The following PRDM16 variants were observed in gnomAD, a reference collection of about 807,000 sequenced individuals.
The protein encoded by PRDM16 is histone-lysine N-methyltransferase PRDM16.
In PRDM16, 23 loss-of-function variants were observed where a neutral mutation model predicts 110.6. That is an observed-to-expected ratio of 0.21 (90% CI 0.15 to 0.29). The LOEUF (loss-of-function observed/expected upper bound fraction) is 0.29, where lower values mean the gene tolerates loss of function less well. Ranked by LOEUF, PRDM16 falls within the 10% of genes least tolerant of loss-of-function variation. The pLI, the probability that PRDM16 is intolerant of heterozygous loss-of-function variation, is 1.00. For missense variants in PRDM16, 1,615 were observed against 1,794.3 expected (o/e 0.90, Z 1.81); for synonymous variants, 799 against 781.8 (o/e 1.02, Z -0.37).
At position 3,112,655 on chromosome 1, in the gene PRDM16, C is replaced by T. The variant is rs886437232; in HGVS notation, c.37+43359C>T. Among the ~76,000 whole-genome samples, 5 of 152,354 alleles carry T rather than the reference C, an allele frequency of 3.3e-5. No individual in the cohort carries two copies. The South Asian group carries it at 6.2e-4, about 19-fold the overall frequency. ...TGTCCTCCATCGCTGGTGCCCTGGC[C>T]GGGCCGCATTCCTGCAGACAGGGCC... On this transcript the variant is annotated intron_variant, in intron 1 of 16. Coordinates refer to ENST00000270722, the MANE Select transcript of PRDM16 (RefSeq NM_022114.4).
At chr1:3,147,987 C>G (rs1569689686) in intron 1 of PRDM16, among the ~76,000 whole-genome samples, 1 of 151,618 alleles carries the variant, frequency 6.6e-6, no homozygotes, top group East Asian at 2.0e-4. Flanking sequence ...ATTCTCTGAA[C>G]CCCATCCTGC....
intron 1 of PRDM16, among the ~76,000 whole-genome samples, chr1:3,076,464 G>T (rs1641902308): frequency 6.6e-6 from 1 of 152,196 alleles, no homozygotes; most frequent in African/African-American, 2.4e-5. Context: ...CCGCCGGCTG[G>T]TCCCCTGCGT....
At chr1:3,342,391 G>A (rs190675107) in intron 3 of PRDM16, among the ~76,000 whole-genome samples, 182 of 152,346 alleles carry the variant, frequency 1.2e-3, no homozygotes, top group Non-Finnish European at 2.0e-3. Context: ...CTTCTGCCAC[G>A]TCACCTCTCT....
intron 2 of PRDM16, among the ~76,000 whole-genome samples, chr1:3,215,367 G>GAGTCCA: frequency 6.6e-6 from 1 of 152,220 alleles, no homozygotes; most frequent in Non-Finnish European, 1.5e-5. Context: ...AAGGCCCACG[G>GAGTCCA]GGTCCAGGAG....
In PRDM16 at chr1:3,412,626, G is replaced by A. The variant is rs1394386492; in HGVS notation, c.2429G>A (p.Arg810Gln). Reference protein sequence around the residue: ...EQPLDLSIGSRARASQNGGGR... With the variant: ...EQPLDLSIGSQARASQNGGGR... ...CCGCTGGACCTGAGCATCGGCAGCC[G>A]GGCCCGTGCCAGCCAAAACGGCGGC... Residue 810 changes from arginine (R) to glutamine (Q), a missense_variant, in exon 9 of 17, where the codon CGG becomes CAG. By Grantham distance (43) the Arg-to-Gln change is conservative. Transcript: ENST00000270722. 4.4e-6 allele frequency: 7 copies of A among 1,583,074 alleles called. No individual in the cohort carries two copies. The highest frequency in any genetic ancestry group is 2.3e-5 in the East Asian group (1 of 43,694).
Position 3,186,484 on chromosome 1 carries a change from C to G in PRDM16, c.387+10C>G. 6.8e-7 allele frequency: 1 copy of G among 1,469,486 alleles called. No individual in the cohort carries two copies. The allele number at this position is 1,469,486 out of a possible 1,614,324, so 91.0% of individuals were successfully genotyped here. The stretch of plus-strand genomic sequence containing the variant: ...AGACTTCGGATGGGAGGTGAGCGAT[C>G]GCGCCTGAGTATGATTGATCACGGC... On this transcript the variant is annotated intron_variant, in intron 2 of 16. Transcript: ENST00000270722.
intron 1 of PRDM16, among the ~76,000 whole-genome samples, chr1:3,162,905 CATGG>C (rs80338274): frequency 0.23 from 27,251 of 118,168 alleles, 1,004 homozygotes; most frequent in South Asian, 0.29. Flanking sequence ...AAGCCCCTGG[CATGG>C]TCTAGAGGGC....
rs551464811 is a variant in PRDM16, at chr1:3,243,048, C to T, written c.388-1039C>T. ...CTGGTGGCTTTTAAGAGGAGACACC[C>T]GGCGAAATGCTCTCCAGAGCCAAAG... On this transcript the variant is annotated intron_variant, in intron 2 of 16. Transcript: ENST00000270722. The surrounding 1 kb of genome is among the most constrained non-coding windows in gnomAD (Gnocchi z 5.5). Among the ~76,000 whole-genome samples, 7 of 152,288 alleles carry T rather than the reference C, an allele frequency of 4.6e-5. No individual in the cohort carries two copies. Among genetic ancestry groups the T allele is most frequent in the African/African-American group, 9.6e-5 (4 of 41,584 alleles).
chr1:3,366,327 C>T (rs1316057452), intron 3 of PRDM16, among the ~76,000 whole-genome samples: 1 of 152,230 alleles, frequency 6.6e-6, no homozygotes, highest in South Asian at 2.1e-4. Flanking sequence ...GATGTCCTGA[C>T]GGGAAGGCAC....
chr1:3,265,975 G>T lies in PRDM16; in HGVS notation c.438+21838G>T, dbSNP rs1236530308. Among the ~76,000 whole-genome samples the T allele has an allele frequency of 6.6e-6, 1 of 152,146 alleles. No homozygotes were observed. The highest frequency in any genetic ancestry group is 1.5e-5 in the Non-Finnish European group (1 of 68,012). On this transcript the variant is annotated intron_variant, in intron 3 of 16. Transcript: ENST00000270722. This position sits in a 1 kb window ranked among gnomAD's most constrained non-coding sequence, Gnocchi z 4.5. ...GCCAGGCCCAGCCCCCAACTCAAGG[G>T]CCGCCCTCCAGCCTAGCGACGCCAC...
At chr1:3,258,839 A>G (rs913396659) in intron 3 of PRDM16, among the ~76,000 whole-genome samples, 1 of 152,228 alleles carries the variant, frequency 6.6e-6, no homozygotes, top group Admixed American at 6.5e-5. Flanking sequence ...TGCTCGAGCC[A>G]GGCCAGGGCT....
chr1:3,131,539 T>C (rs1643335206), intron 1 of PRDM16, among the ~76,000 whole-genome samples: 1 of 152,178 alleles, frequency 6.6e-6, no homozygotes, highest in Non-Finnish European at 1.5e-5. Flanking sequence ...AAAAATCAAG[T>C]GGACATAATT....
chr1:3,113,098 T>G (rs1423223413), intron 1 of PRDM16, among the ~76,000 whole-genome samples: 1 of 152,354 alleles, frequency 6.6e-6, no homozygotes, highest in African/African-American at 2.4e-5. Flanking sequence ...GGGGGGCCTC[T>G]TGTGGAGGGG....
intron 3 of PRDM16, among the ~76,000 whole-genome samples, chr1:3,250,325 C>T (rs112635182): frequency 1.6e-4 from 25 of 152,284 alleles, no homozygotes; most frequent in African/African-American, 5.8e-4. Flanking sequence ...CCTGAACTTG[C>T]CCCCTGGGGT....
chr1:3,163,733 G>T (rs939997217), intron 1 of PRDM16, among the ~76,000 whole-genome samples: 1 of 152,132 alleles, frequency 6.6e-6, no homozygotes, highest in Admixed American at 6.5e-5. Context: ...TAGGAGCATC[G>T]CCCAGCCTCA....
At chr1:3,294,349 C>A (rs1358021067) in intron 3 of PRDM16, among the ~76,000 whole-genome samples, 3 of 152,134 alleles carry the variant, frequency 2.0e-5, no homozygotes, top group Admixed American at 1.3e-4. Context: ...GCCCTTCTCT[C>A]CATCTTCTCA....
At position 3,426,239 on chromosome 1, in the gene PRDM16, C is replaced by T. The variant is rs201774450; in HGVS notation, c.3284+14C>T. ...AACAGAGAAACGGTAAGAAAACTAT[C>T]GCGGGCTGGGGAAAGTCTGGACCCG... On this transcript the variant is annotated intron_variant, in intron 14 of 16. Coordinates refer to ENST00000270722, the MANE Select transcript of PRDM16 (RefSeq NM_022114.4). 4.7e-5 allele frequency: 76 copies of T among 1,609,822 alleles called. No homozygotes were observed. Among genetic ancestry groups the T allele is most frequent in the Non-Finnish European group, 5.8e-5 (68 of 1,177,072 alleles).
In PRDM16 at chr1:3,437,384, C is replaced by G. The variant is rs760616647; in HGVS notation, c.*3573C>G. The G allele has an allele frequency of 7.3e-5, 17 of 232,588 alleles. No homozygotes were observed. Among genetic ancestry groups the G allele is most frequent in the Non-Finnish European group, 1.4e-4 (16 of 117,638 alleles). The allele number at this position is 232,588 out of a possible 1,614,324, so 14.4% of individuals were successfully genotyped here. A position where few individuals can be genotyped will look rare whatever the true frequency, so the allele number is the denominator to read the frequency against. ...ATCACGTATTTTAGACTCGAAGCCT[C>G]AAAGCACTGGATTGTGGTCCCCTGC... is the stretch of plus-strand genomic sequence containing the variant. On this transcript the variant is annotated 3_prime_UTR_variant, in exon 17 of 17. Transcript: ENST00000270722.
chr1:3,084,050 C>A (rs138461891), intron 1 of PRDM16, among the ~76,000 whole-genome samples: 1 of 152,248 alleles, frequency 6.6e-6, no homozygotes, highest in Non-Finnish European at 1.5e-5. Context: ...CAGACCCACA[C>A]GCTTGTGGAG....
Sources: allele counts gnomAD v4.1 joint callset (sites outside exome capture counted in the v4.1 genomes callset), GRCh38; gene constraint gnomAD v4.1.1; non-coding constraint Gnocchi (gnomAD v3.1); transcripts MANE v1.5; gene names NCBI Gene and HGNC (gene_info 2026-07-23, HGNC 2026-07-21).